ZMIZ1: variants seen among roughly 807,000 people sequenced by gnomAD.
ZMIZ1 encodes zinc finger MIZ domain-containing protein 1.
ZMIZ1 carries 17 observed loss-of-function variants against 113.9 expected under a neutral mutation model. That is an observed-to-expected ratio of 0.15 (90% CI 0.10 to 0.22). ZMIZ1 has a LOEUF of 0.22. Among genes scored for constraint, ZMIZ1 ranks in the 10% least tolerant of loss-of-function variants. ZMIZ1 has a pLI of 1.00. For missense variants in ZMIZ1, 1,059 were observed against 1,477.8 expected, an observed-to-expected ratio of 0.72 and a Z score of 4.65; for synonymous variants, 607 against 603.1, an observed-to-expected ratio of 1.01 and a Z score of -0.09.
At chr10:79,182,380 C>T (rs1182396839) in intron 4 of ZMIZ1, among the ~76,000 whole-genome samples, 2 of 151,730 alleles carry the variant, frequency 1.3e-5, no homozygotes, top group Admixed American at 1.3e-4. Flanking sequence ...CCAGGAGTAT[C>T]GACTGGGTGA....
chr10:79,289,974 C>A (rs1244084790), intron 9 of ZMIZ1, 85 bp downstream of exon 9: 12 of 1,323,662 alleles, frequency 9.1e-6, no homozygotes, highest in Non-Finnish European at 1.2e-5. Context: ...CCCTCTTCAC[C>A]CTCACAGGCC....
intron 1 of ZMIZ1, among the ~76,000 whole-genome samples, chr10:79,114,488 TGTGTGC>T (rs1252277113): frequency 1.0e-5 from 1 of 96,716 alleles, no homozygotes; most frequent in Non-Finnish European, 2.3e-5. Flanking sequence ...TGTGTGTGTG[TGTGTGC>T]GTGTGTGTGT....
At chr10:79,150,781 C>T (rs536504876) in intron 3 of ZMIZ1, among the ~76,000 whole-genome samples, 227 of 152,286 alleles carry the variant, frequency 1.5e-3, no homozygotes, top group Non-Finnish European at 2.8e-3. Context: ...AGCCCCTTCT[C>T]TCATCTCCCA....
intron 4 of ZMIZ1, among the ~76,000 whole-genome samples, chr10:79,191,383 C>T (rs1003193212): frequency 6.6e-6 from 1 of 150,532 alleles, no homozygotes; most frequent in Non-Finnish European, 1.5e-5. Flanking sequence ...CGGGGGGGGT[C>T]CTGCCTCTGT....
chr10:79,138,612 T>A (rs1589322153), intron 2 of ZMIZ1, among the ~76,000 whole-genome samples: 1 of 152,184 alleles, frequency 6.6e-6, no homozygotes, highest in East Asian at 1.9e-4. Context: ...TTACATCCCT[T>A]GGCCTGATAC....
intron 7 of ZMIZ1, among the ~76,000 whole-genome samples, chr10:79,218,493 A>G (rs2132721666): frequency 6.6e-6 from 1 of 151,566 alleles, no homozygotes; most frequent in East Asian, 1.9e-4. Flanking sequence ...AACAACAACC[A>G]AGAAACAACA....
intron 3 of ZMIZ1, among the ~76,000 whole-genome samples, chr10:79,149,889 G>C (rs2132446999): frequency 6.6e-6 from 1 of 152,356 alleles, no homozygotes; most frequent in African/African-American, 2.4e-5. Flanking sequence ...CTCCTGGGAA[G>C]AAAACCCAGC....
intron 24 of ZMIZ1, 120 bp downstream of exon 24, chr10:79,311,304 G>GGGGGGGGGGGGGGT: frequency 5.6e-6 from 2 of 359,152 alleles, no homozygotes; most frequent in East Asian, 7.5e-5. Context: ...TGGGCGGTGG[G>GGGGGGGGGGGGGGT]AGGGCTTCAC....
intron 1 of ZMIZ1, among the ~76,000 whole-genome samples, chr10:79,071,716 GA>G (rs1168546268): frequency 6.6e-6 from 1 of 152,154 alleles, no homozygotes; most frequent in Non-Finnish European, 1.5e-5. Context: ...CGAGGATGTT[GA>G]AACATCAGCA....
At chr10:79,289,679 C>A in intron 8 of ZMIZ1, 96 bp from the exon 9 acceptor site, 1 of 1,172,638 alleles carries the variant, frequency 8.5e-7, no homozygotes, top group Non-Finnish European at 1.2e-6. Flanking sequence ...CTTGGACTGA[C>A]TGGGAGCTGC....
intron 4 of ZMIZ1, among the ~76,000 whole-genome samples, chr10:79,183,224 G>A (rs909359566): frequency 1.3e-5 from 2 of 152,242 alleles, no homozygotes; most frequent in African/African-American, 2.4e-5. Context: ...GGGAATTCAC[G>A]ACGTGTCTGC....
In ZMIZ1 at chr10:79,177,743, T is replaced by C. The variant is rs183398580; in HGVS notation, c.-50+15610T>C. On this transcript the variant is annotated intron_variant, in intron 4 of 24. Coordinates refer to ENST00000334512, the MANE Select transcript of ZMIZ1 (RefSeq NM_020338.4). ...TCACACATTTAGTGGAAGTGACTTATTTTAAACTTTAATAATGTCCTTTTT... is the reference window on the plus strand; with the variant it reads ...TCACACATTTAGTGGAAGTGACTTACTTTAAACTTTAATAATGTCCTTTTT... Among the ~76,000 whole-genome samples, 1,089 of 152,358 alleles carry C rather than the reference T, an allele frequency of 7.1e-3. 21 individuals carry two copies. The South Asian group carries it at 0.077, about 11-fold the overall frequency.
At chr10:79,302,239 G>A (rs754367083) in intron 18 of ZMIZ1, 27 bp downstream of exon 18, 18 of 1,602,822 alleles carry the variant, frequency 1.1e-5, no homozygotes, top group Middle Eastern at 3.3e-4. Flanking sequence ...ACGGGGGTGA[G>A]GGCCAGACTC....
At chr10:79,222,834 G>A (rs747441643) in intron 7 of ZMIZ1, among the ~76,000 whole-genome samples, 6 of 152,184 alleles carry the variant, frequency 3.9e-5, no homozygotes, top group Non-Finnish European at 8.8e-5. Flanking sequence ...GCCCTGGAGA[G>A]TGCTCCAGCC....
chr10:79,092,961 A>C (rs945414568), intron 1 of ZMIZ1, among the ~76,000 whole-genome samples: 2 of 151,978 alleles, frequency 1.3e-5, no homozygotes, highest in African/African-American at 4.8e-5. Flanking sequence ...AGCCGTTTGA[A>C]TACAATGCAA....
chr10:79,151,069 C>T (rs919492571), intron 3 of ZMIZ1, among the ~76,000 whole-genome samples: 4 of 152,012 alleles, frequency 2.6e-5, no homozygotes, highest in South Asian at 2.1e-4. Flanking sequence ...AGACCAGAGT[C>T]GTTGTGACAT....
chr10:79,092,623 G>A (rs776968743), intron 1 of ZMIZ1, among the ~76,000 whole-genome samples: 2 of 152,196 alleles, frequency 1.3e-5, no homozygotes, highest in African/African-American at 4.8e-5. Flanking sequence ...TTCTGTGTAC[G>A]CTTCTTGGTC....
At chr10:79,287,327 C>T (rs4980059) in intron 8 of ZMIZ1, among the ~76,000 whole-genome samples, 12,136 of 152,286 alleles carry the variant, frequency 0.08, 885 homozygotes, top group East Asian at 0.25. Flanking sequence ...CAGAGTCTGT[C>T]GCTATCTGTC....
intron 7 of ZMIZ1, among the ~76,000 whole-genome samples, chr10:79,248,249 T>G (rs1325501): frequency 3.9e-5 from 6 of 152,108 alleles, no homozygotes; most frequent in African/African-American, 1.2e-4. Context: ...AGGTGAAACT[T>G]GATTTTGGAA....
Sources: allele counts gnomAD v4.1 joint callset (sites outside exome capture counted in the v4.1 genomes callset), GRCh38; gene constraint gnomAD v4.1.1; transcripts MANE v1.5; gene names NCBI Gene and HGNC (gene_info 2026-07-23, HGNC 2026-07-21).